The following IQSEC2 variants were observed in gnomAD, a reference collection of about 807,000 sequenced individuals.
IQSEC2 encodes IQ motif and SEC7 domain-containing protein 2.
Under a neutral mutation model 74.6 loss-of-function variants are expected in IQSEC2, and 6 were observed. The observed-to-expected ratio is 0.08, with a 90% CI of 0.04 to 0.16. IQSEC2 has a LOEUF of 0.16. Ranked by LOEUF, IQSEC2 falls within the 10% of genes least tolerant of loss-of-function variation. The pLI, the probability that IQSEC2 is intolerant of heterozygous loss-of-function variation, is 1.00. For missense variants in IQSEC2, 734 were observed against 1,306.2 expected, an observed-to-expected ratio of 0.56 and a Z score of 6.75; for synonymous variants, 494 against 544.5, an observed-to-expected ratio of 0.91 and a Z score of 1.29.
chrX:53,230,339 T>C (rs781890322), downstream of IQSEC2: 3 of 112,975 alleles, frequency 2.7e-5, no homozygotes, highest in East Asian at 2.8e-4. Flanking sequence ...GAAACTCTTA[T>C]CCTACACTGT....
intron 1 of IQSEC2, among the ~76,000 whole-genome samples, chrX:53,310,572 T>G (rs2075311957): frequency 9.0e-6 from 1 of 111,185 alleles, no homozygotes; most frequent in Non-Finnish European, 1.9e-5. Context: ...TCGTTCTTTA[T>G]GTATCATATC....
chrX:53,311,132 A>AAAAAAAAAAAAAAAAAAAAAAAAG (rs2075318464), intron 1 of IQSEC2, among the ~76,000 whole-genome samples: 1 of 95,868 alleles, frequency 1.0e-5, no homozygotes, highest in African/African-American at 3.7e-5. Flanking sequence ...AAAAAAAAAA[A>AAAAAAAAAAAAAAAAAAAAAAAAG]AAAGAAAAGA....
intron 2 of IQSEC2, among the ~76,000 whole-genome samples, chrX:53,263,888 C>T (rs782518137): frequency 7.1e-5 from 8 of 112,663 alleles, no homozygotes; most frequent in Admixed American, 2.8e-4. Context: ...GGCAGCGGCC[C>T]GGTGTGATTC....
At chrX:53,304,228 G>A (rs191286174) in intron 1 of IQSEC2, among the ~76,000 whole-genome samples, 23 of 111,539 alleles carry the variant, frequency 2.1e-4, no homozygotes, top group African/African-American at 7.5e-4. Flanking sequence ...AAAGTATAGC[G>A]AACAGGTGGA....
rs143266331 is a variant in IQSEC2, at chrX:53,291,725, C to T, written c.737+170G>A. ...AACCCCCTCCCCACAGCTGCCACAT[C>T]CCCCAACTGCCCTCTCACCCCACTC... On this transcript the variant is annotated intron_variant, in intron 2 of 14. Coordinates refer to ENST00000642864, the MANE Select transcript of IQSEC2 (RefSeq NM_001111125.3). Among the ~76,000 whole-genome samples, 3,321 of 110,332 alleles carry T rather than the reference C, an allele frequency of 0.03. 135 individuals are homozygous for T. The highest frequency in any genetic ancestry group is 0.1 in the African/African-American group (3,126 of 30,250).
At chrX:53,243,551 C>A in intron 8 of IQSEC2, 80 bp from the exon 9 acceptor site, 1 of 1,094,254 alleles carries the variant, frequency 9.1e-7, no homozygotes, top group Non-Finnish European at 1.2e-6. Context: ...CCCCCACACC[C>A]AGGCACGGGC....
chrX:53,302,352 G>A (rs1556875632), intron 1 of IQSEC2, among the ~76,000 whole-genome samples: 1 of 112,502 alleles, frequency 8.9e-6, no homozygotes, highest in African/African-American at 3.2e-5. Context: ...GCTCCACAGG[G>A]CAGAGGTTTT....
At position 53,250,314 on chromosome X, in the gene IQSEC2, C is replaced by T. The variant is rs1408670208; in HGVS notation, c.2262G>A (p.Arg754=). 12 of 1,209,890 alleles carry T rather than the reference C, an allele frequency of 9.9e-6. No homozygotes were observed. In the African/African-American group the frequency reaches 1.6e-4, roughly 16 times the overall value. ...GGTTGAGGCCGATTCGGTAGTGCCGCCTCTGGACCACATCATTGTTGAAAG... is the reference window on the plus strand; with the variant it reads ...GGTTGAGGCCGATTCGGTAGTGCCGTCTCTGGACCACATCATTGTTGAAAG... ...SPAFNNDVVQ[R]RHYRIGLNLF... Residue 754 remains arginine (R), a synonymous_variant, in exon 5 of 15, where the codon AGG becomes AGA. Coordinates refer to ENST00000642864, the MANE Select transcript of IQSEC2 (RefSeq NM_001111125.3).
At chrX:53,307,361 C>G (rs2075275570) in intron 1 of IQSEC2, among the ~76,000 whole-genome samples, 1 of 88,581 alleles carries the variant, frequency 1.1e-5, no homozygotes, top group Non-Finnish European at 2.1e-5. Context: ...AGGCTGGTCT[C>G]GAACTTCTGG....
At chrX:53,281,388 G>C in intron 2 of IQSEC2, 1 of 454,750 alleles carries the variant, frequency 2.2e-6, no homozygotes, top group East Asian at 4.0e-5. Context: ...GTCCAAGAAG[G>C]GAGCCAGGAA....
chrX:53,299,757 CT>C (rs782597902), intron 1 of IQSEC2, among the ~76,000 whole-genome samples: 1,739 of 104,887 alleles, frequency 0.017, 17 homozygotes, highest in Middle Eastern at 0.039. Flanking sequence ...AAAGACAAGA[CT>C]TTTTTTTTTT....
At chrX:53,282,830 C>G (rs897760186) in intron 2 of IQSEC2, among the ~76,000 whole-genome samples, 13 of 108,749 alleles carry the variant, frequency 1.2e-4, no homozygotes, top group Non-Finnish European at 1.9e-4. Context: ...GCAGCAGCTT[C>G]ACCTTGTGCC....
At chrX:53,246,745 C>A (rs2074314097) in intron 8 of IQSEC2, among the ~76,000 whole-genome samples, 1 of 111,748 alleles carries the variant, frequency 8.9e-6, no homozygotes, top group Non-Finnish European at 1.9e-5. Flanking sequence ...CTGCTTGAAC[C>A]CCAGGACCTA....
intron 2 of IQSEC2, among the ~76,000 whole-genome samples, chrX:53,282,056 T>G (rs1462618858): frequency 8.9e-6 from 1 of 112,470 alleles, no homozygotes; most frequent in Non-Finnish European, 1.9e-5. Flanking sequence ...TTAGGAGTTG[T>G]TCTGGGACTC....
chrX:53,318,349 G>T lies in IQSEC2; in HGVS notation c.707+2068C>A, dbSNP rs185262259. The stretch of plus-strand genomic sequence containing the variant: ...AGTAGGAAATGCAAAGCAAGGAAAC[G>T]CAACAAGCAACCTGGGGGGGTTCAC... On this transcript the variant is annotated intron_variant, in intron 1 of 14. Transcript: ENST00000642864. Among the ~76,000 whole-genome samples, 110 of 112,261 alleles carry T rather than the reference G, an allele frequency of 9.8e-4. 2 individuals are homozygous for T. Among genetic ancestry groups the T allele is most frequent in the Admixed American group, 9.2e-3 (98 of 10,652 alleles).
chrX:53,236,381 G>A lies in IQSEC2; in HGVS notation c.3392C>T (p.Ala1131Val), dbSNP rs2074130183. 3.3e-6 allele frequency: 4 copies of A among 1,208,679 alleles called. No homozygotes were observed. Among genetic ancestry groups the A allele is most frequent in the Non-Finnish European group, 4.5e-6 (4 of 893,835 alleles). ...TGCGCCCCGTTTGAGCCCATCGCCT[G>A]CCCCGTAAGTGTCCTCCAGGCTACT... is the stretch of plus-strand genomic sequence containing the variant. ...ARSSLEDTYG[A>V]GDGLKRGALS... Residue 1131 changes from alanine (A) to valine (V), a missense_variant, in exon 13 of 15, where the codon GCA becomes GTA. By Grantham distance (64) the Ala-to-Val change is moderately conservative. Around this residue, in one of 12 missense-constraint regions of IQSEC2, gnomAD observed 249 missense variants for 467.9 expected, o/e 0.53. Transcript: ENST00000642864.
At chrX:53,311,306 A>G (rs1349280977) in intron 1 of IQSEC2, among the ~76,000 whole-genome samples, 1 of 108,223 alleles carries the variant, frequency 9.2e-6, no homozygotes, top group East Asian at 2.9e-4. Flanking sequence ...ATGATTTGTC[A>G]GAGTCCTTCC....
At chrX:53,272,336 T>A (rs1336123244) in intron 2 of IQSEC2, among the ~76,000 whole-genome samples, 1 of 111,384 alleles carries the variant, frequency 9.0e-6, no homozygotes, top group Non-Finnish European at 1.9e-5. Context: ...AAATCAACAC[T>A]AATAATAGCT....
rs781996916 is a variant in IQSEC2, at chrX:53,257,206, C to CGGCAGA, written c.738-1151_738-1146dup. Among the ~76,000 whole-genome samples the CGGCAGA allele has an allele frequency of 1.5e-3, 173 of 111,992 alleles. 1 individual carries two copies. The Admixed American group carries it at 0.016, about 10-fold the overall frequency. On this transcript the variant is annotated intron_variant, in intron 2 of 14. Coordinates refer to ENST00000642864, the MANE Select transcript of IQSEC2 (RefSeq NM_001111125.3). ...GAAGGGGTACTCCCCAGCCCCTATTCGGCAGAGGCAAAGGCAAAGGGCAGA... is the reference window on the plus strand; with the variant it reads ...GAAGGGGTACTCCCCAGCCCCTATTCGGCAGAGGCAGAGGCAAAGGCAAAGGGCAGA...
Sources: gnomAD v4.1 joint callset for allele counts (sites outside exome capture counted in the v4.1 genomes callset) on GRCh38, gnomAD v4.1.1 for gene constraint, gnomAD v4.1.1 regional missense constraint, MANE v1.5 for transcripts, NCBI Gene and HGNC (gene_info 2026-07-23, HGNC 2026-07-21) for gene names.